P2RY12: variants seen among roughly 807,000 people sequenced by gnomAD.
P2RY12 encodes purinergic receptor P2Y12, also known as P2Y purinoceptor 12.
A neutral mutation model predicts 4.5 loss-of-function variants in P2RY12; 3 were observed. The ratio of observed to expected loss-of-function variants is 0.67; its 90% CI spans 0.31 to 1.74. The LOEUF (loss-of-function observed/expected upper bound fraction) is 1.74, where lower values mean the gene tolerates loss of function less well. Among genes scored for constraint, P2RY12 ranks in the 40% most tolerant of loss-of-function variants. The pLI is 0.09. For synonymous variants in P2RY12, 148 were observed against 154.1 expected, an observed-to-expected ratio of 0.96 and a Z score of 0.29; for missense variants, 356 against 407.8, an observed-to-expected ratio of 0.87 and a Z score of 1.09.
At chr3:151,372,734 G>T (rs760790831) in intron 1 of P2RY12, 6 of 1,613,708 alleles carry the variant, frequency 3.7e-6, no homozygotes, top group South Asian at 1.1e-5. Context: ...AAGAGAATAC[G>T]CTAGATATGT....
rs1293022930 is a variant in P2RY12, at chr3:151,338,013, TAGAAC to T, written c.828_832del (p.Phe277CysfsTer49). On this transcript the variant is annotated frameshift_variant, in exon 3 of 3. Coordinates refer to ENST00000302632, the MANE Select transcript of P2RY12 (RefSeq NM_022788.5). LOFTEE classifies it low-confidence loss of function (END_TRUNC). ...TAACCACAGAGTGCTCTCTTTCACA[TAGAAC>T]AGAGTATTTTCAGCAGTGCAGTCAA... The T allele has an allele frequency of 2.5e-6, 4 of 1,614,096 alleles. No homozygotes were observed. The highest frequency in any genetic ancestry group is 3.4e-6 in the Non-Finnish European group (4 of 1,180,008).
At chr3:151,367,806 T>C (rs1206737306) in intron 1 of P2RY12, 2 of 1,574,454 alleles carry the variant, frequency 1.3e-6, no homozygotes, top group South Asian at 2.3e-5. Flanking sequence ...TCTTTGATTG[T>C]TGTCTTGATG....
At position 151,368,690 on chromosome 3, in the gene P2RY12, A is replaced by T. The variant is rs868401935; in HGVS notation, c.-180+16002T>A. On this transcript the variant is annotated intron_variant, in intron 1 of 2. Coordinates refer to ENST00000302632, the MANE Select transcript of P2RY12 (RefSeq NM_022788.5). Reference sequence around the variant, plus strand: ...ATTTCATTTCATGTCATTTCATTTTATTTCATTTCATTTCATTTCATTTCA... The same window carrying T: ...ATTTCATTTCATGTCATTTCATTTTTTTTCATTTCATTTCATTTCATTTCA... Among the ~76,000 whole-genome samples, 186 of 24,314 alleles carry T rather than the reference A, an allele frequency of 7.6e-3. 2 individuals are homozygous for T. Among genetic ancestry groups the T allele is most frequent in the African/African-American group, 0.017 (86 of 5,008 alleles). 16.0% of individuals were successfully genotyped at this position (24,314 alleles called of 152,430 possible). A position where few individuals can be genotyped will look rare whatever the true frequency, so the allele number is the denominator to read the frequency against.
At chr3:151,346,262 TC>T (rs1173832376) in intron 1 of P2RY12, among the ~76,000 whole-genome samples, 1 of 152,228 alleles carries the variant, frequency 6.6e-6, no homozygotes, top group African/African-American at 2.4e-5. Flanking sequence ...GTCTCTTATA[TC>T]CTTTATCATC....
At chr3:151,367,701 C>A in intron 1 of P2RY12, 1 of 1,611,826 alleles carries the variant, frequency 6.2e-7, no homozygotes, top group Non-Finnish European at 8.5e-7. Context: ...ATTCTGATAG[C>A]ACGACAGTGT....
chr3:151,349,917 A>G, intron 1 of P2RY12: 2 of 535,496 alleles, frequency 3.7e-6, no homozygotes, highest in South Asian at 4.1e-5. Context: ...TTGCCAGTGG[A>G]GGTTGAGGTG....
At chr3:151,369,525 G>A (rs901335384) in intron 1 of P2RY12, 39 of 1,610,166 alleles carry the variant, frequency 2.4e-5, no homozygotes, top group Non-Finnish European at 3.0e-5. Context: ...CGTGTTTGCT[G>A]TCTTAAAAGC....
At chr3:151,363,836 A>G (rs1009789719) in intron 1 of P2RY12, among the ~76,000 whole-genome samples, 13 of 152,174 alleles carry the variant, frequency 8.5e-5, no homozygotes, top group Admixed American at 8.5e-4. Flanking sequence ...GTGATTCTCA[A>G]GGAATAGAGC....
chr3:151,381,447 G>T (rs1440940134), intron 1 of P2RY12, among the ~76,000 whole-genome samples: 4 of 152,166 alleles, frequency 2.6e-5, no homozygotes, highest in Non-Finnish European at 4.4e-5. Context: ...TCTCCTACCA[G>T]TCATGGCCCT....
chr3:151,378,031 G>A (rs746501470), intron 1 of P2RY12: 4 of 1,609,876 alleles, frequency 2.5e-6, no homozygotes, highest in East Asian at 4.5e-5. Flanking sequence ...ACGCAGGGGT[G>A]TATGGTTGGT....
chr3:151,365,223 T>C, intron 1 of P2RY12: 2 of 1,592,504 alleles, frequency 1.3e-6, no homozygotes, highest in Non-Finnish European at 1.7e-6. Context: ...TGGGTTACCC[T>C]GGAATTCATG....
In P2RY12 at chr3:151,338,447, G is replaced by A. The variant is rs202099042; in HGVS notation, c.399C>T (p.Ser133=). Residue 133 remains serine, a synonymous_variant, in exon 3 of 3, where the codon TCC becomes TCT. Coordinates refer to ENST00000302632, the MANE Select transcript of P2RY12 (RefSeq NM_022788.5). ...TAGCCCCCAAGAGATTTTTGGGGTT[G>A]GATGTTTTAAATGGCCTGGTGGTCT... The part of the protein sequence containing the change: ...YQKTTRPFKT[S]NPKNLLGAKI... The A allele has an allele frequency of 4.3e-6, 7 of 1,613,910 alleles. No homozygotes were observed. The highest frequency in any genetic ancestry group is 1.1e-5 in the South Asian group (1 of 91,078).
intron 1 of P2RY12, among the ~76,000 whole-genome samples, chr3:151,379,527 T>C (rs1339126486): frequency 6.6e-6 from 1 of 152,242 alleles, no homozygotes; most frequent in Admixed American, 6.5e-5. Context: ...TGTTGGAGCC[T>C]GTGGGCTGTG....
chr3:151,360,626 A>G, intron 1 of P2RY12: 1 of 1,602,738 alleles, frequency 6.2e-7, no homozygotes, highest in Non-Finnish European at 8.5e-7. Context: ...GAGACTCAAA[A>G]GGACAGAAAT....
chr3:151,376,658 T>C lies in P2RY12; in HGVS notation c.-180+8034A>G, dbSNP rs1460812961. 23 of 685,166 alleles carry C rather than the reference T, an allele frequency of 3.4e-5. 2 individuals carry two copies. In the South Asian group the frequency reaches 3.7e-4, roughly 11 times the overall value. 42.4% of individuals were successfully genotyped at this position (685,166 alleles called of 1,614,324 possible). On this transcript the variant is annotated intron_variant, in intron 1 of 2. Transcript: ENST00000302632. ...GCTACTGAATATATATGCAGCAAGA[T>C]TGGGAACCTTTTGACTCATATAAAT...
At chr3:151,372,785 C>T in intron 1 of P2RY12, 4 of 1,601,634 alleles carry the variant, frequency 2.5e-6, no homozygotes, top group Non-Finnish European at 3.4e-6. Context: ...ATTTAATTTG[C>T]CTTTTACTTT....
At position 151,357,177 on chromosome 3, in the gene P2RY12, A is replaced by G. The variant is rs753724604; in HGVS notation, c.-179-16417T>C. On this transcript the variant is annotated intron_variant, in intron 1 of 2. Transcript: ENST00000302632. ...AAATGTTTTCTCTATTTGTTTTGGC[A>G]CCTACATGTTTATTCAGTCTTTTCT... 22 of 1,516,770 alleles carry G rather than the reference A, an allele frequency of 1.5e-5. No individual in the cohort carries two copies. In the East Asian group the frequency reaches 3.9e-4, roughly 27 times the overall value. 94.0% of individuals were successfully genotyped at this position (1,516,770 alleles called of 1,614,324 possible).
intron 1 of P2RY12, among the ~76,000 whole-genome samples, chr3:151,377,650 T>C (rs532894373): frequency 1.3e-5 from 2 of 152,336 alleles, no homozygotes; most frequent in East Asian, 1.9e-4. Flanking sequence ...CCTTAAAAAT[T>C]AGCTATTAGT....
At chr3:151,382,209 A>C (rs1285655646) in intron 1 of P2RY12, among the ~76,000 whole-genome samples, 3 of 152,230 alleles carry the variant, frequency 2.0e-5, no homozygotes, top group Non-Finnish European at 4.4e-5. Flanking sequence ...AGACACATAC[A>C]TAAGATAGCA....
Sources: allele counts gnomAD v4.1 joint callset (sites outside exome capture counted in the v4.1 genomes callset), GRCh38; gene constraint gnomAD v4.1.1; transcripts MANE v1.5; gene names NCBI Gene and HGNC (gene_info 2026-07-23, HGNC 2026-07-21).